The following GALNT10 variants were observed in gnomAD, a reference collection of about 807,000 sequenced individuals.
GALNT10 encodes the protein GalNAc transferase 10.
Under a neutral mutation model 75.0 loss-of-function variants are expected in GALNT10, and 41 were observed. That is an observed-to-expected ratio of 0.55 (90% confidence interval 0.43 to 0.71). The LOEUF (loss-of-function observed/expected upper bound fraction) is 0.71, where lower values mean the gene tolerates loss of function less well. Ranked by LOEUF, GALNT10 falls within the 30% of genes least tolerant of loss-of-function variation. The pLI is 0.00. For missense variants in GALNT10, 727 were observed against 818.5 expected, an observed-to-expected ratio of 0.89 and a Z score of 1.36; for synonymous variants, 302 against 313.0, an observed-to-expected ratio of 0.96 and a Z score of 0.37.
At chr5:154,279,310 T>TG (rs1331978616) in intron 1 of GALNT10, among the ~76,000 whole-genome samples, 2 of 150,126 alleles carry the variant, frequency 1.3e-5, no homozygotes, top group Admixed American at 1.3e-4. Context: ...TTTTGTTTTT[T>TG]TTTTTTTTTT....
At chr5:154,255,699 G>C (rs760930422) in intron 1 of GALNT10, among the ~76,000 whole-genome samples, 13 of 151,912 alleles carry the variant, frequency 8.6e-5, no homozygotes, top group African/African-American at 3.1e-4. Flanking sequence ...ACTTTCCCAC[G>C]CTGGTGGCTG....
intron 1 of GALNT10, among the ~76,000 whole-genome samples, chr5:154,251,224 G>A (rs888235752): frequency 1.3e-5 from 2 of 151,932 alleles, no homozygotes; most frequent in Non-Finnish European, 1.5e-5. Flanking sequence ...CCCCTTAATA[G>A]TAACGTTACT....
intron 4 of GALNT10, among the ~76,000 whole-genome samples, chr5:154,367,169 G>T (rs2113161940): frequency 6.6e-6 from 1 of 152,298 alleles, no homozygotes; most frequent in African/African-American, 2.4e-5. Flanking sequence ...GTATACTTTT[G>T]TATATATTTG....
intron 4 of GALNT10, among the ~76,000 whole-genome samples, chr5:154,371,898 C>A (rs531977479): frequency 6.6e-6 from 1 of 152,092 alleles, no homozygotes; most frequent in East Asian, 1.9e-4. Context: ...CATCCTTCTC[C>A]GTTAATCCCC....
At chr5:154,194,194 T>G (rs532625755) in intron 1 of GALNT10, among the ~76,000 whole-genome samples, 1 of 152,320 alleles carries the variant, frequency 6.6e-6, no homozygotes, top group Non-Finnish European at 1.5e-5. Flanking sequence ...GAATAGAAAT[T>G]GGTGGAATAA....
At chr5:154,269,632 A>G (rs1244055079) in intron 1 of GALNT10, among the ~76,000 whole-genome samples, 1 of 152,216 alleles carries the variant, frequency 6.6e-6, no homozygotes. Context: ...TGGCAGGCCT[A>G]CTGAACTAGG....
chr5:154,285,597 T>G (rs1366196211), intron 1 of GALNT10, among the ~76,000 whole-genome samples: 1 of 152,014 alleles, frequency 6.6e-6, no homozygotes, highest in Non-Finnish European at 1.5e-5. Context: ...GTAACCCTAT[T>G]TTTAAAAAAA....
At chr5:154,265,680 A>G (rs149662384) in intron 1 of GALNT10, among the ~76,000 whole-genome samples, 284 of 152,310 alleles carry the variant, frequency 1.9e-3, no homozygotes, top group African/African-American at 6.5e-3. Context: ...AGACAGTCCC[A>G]TATGTCCTGG....
Position 154,216,517 on chromosome 5 carries a change from A to G in GALNT10, c.159+25492A>G, listed in dbSNP as rs147459230. On this transcript the variant is annotated intron_variant, in intron 1 of 11. Transcript: ENST00000297107. Reference sequence around the variant, plus strand: ...TGTAAGCTGCAAGCTGTTGTCTCCAATTCCTGAGTTCAGATTATTTGTGTT... The same window carrying G: ...TGTAAGCTGCAAGCTGTTGTCTCCAGTTCCTGAGTTCAGATTATTTGTGTT... Among the ~76,000 whole-genome samples the G allele has an allele frequency of 1.1e-4, 16 of 152,356 alleles. 1 individual carries two copies. Among genetic ancestry groups the G allele is most frequent in the South Asian group, 6.2e-4 (3 of 4,830 alleles).
chr5:154,347,625 G>T (rs1755150098), intron 4 of GALNT10, among the ~76,000 whole-genome samples: 1 of 152,014 alleles, frequency 6.6e-6, no homozygotes, highest in African/African-American at 2.4e-5. Context: ...GCCTCCCAAG[G>T]TGCTGGGATT....
At chr5:154,276,822 C>T (rs139205828) in intron 1 of GALNT10, among the ~76,000 whole-genome samples, 214 of 152,110 alleles carry the variant, frequency 1.4e-3, no homozygotes, top group African/African-American at 4.7e-3. Context: ...GTAAGCGGAG[C>T]GGGGATAGAA....
intron 7 of GALNT10, among the ~76,000 whole-genome samples, chr5:154,396,963 C>T (rs1756029485): frequency 6.6e-6 from 1 of 151,820 alleles, no homozygotes; most frequent in Non-Finnish European, 1.5e-5. Flanking sequence ...CCTGTCTCTA[C>T]TAAAAATACA....
At chr5:154,269,777 C>T (rs1753834296) in intron 1 of GALNT10, among the ~76,000 whole-genome samples, 1 of 152,202 alleles carries the variant, frequency 6.6e-6, no homozygotes, top group African/African-American at 2.4e-5. Flanking sequence ...GAGTCTGGGA[C>T]ATCCTTCGGA....
At chr5:154,295,471 G>C (rs1003592410) in intron 2 of GALNT10, among the ~76,000 whole-genome samples, 4 of 152,156 alleles carry the variant, frequency 2.6e-5, no homozygotes, top group African/African-American at 9.7e-5. Flanking sequence ...TTTGAACCCA[G>C]GTCTGGAGGG....
intron 2 of GALNT10, 61 bp downstream of exon 2, chr5:154,294,979 TG>T: frequency 1.0e-5 from 2 of 192,048 alleles, no homozygotes; most frequent in South Asian, 9.9e-5. Flanking sequence ...CATATGCTTG[TG>T]TGTGTGTGTG....
rs537345118 is a variant in GALNT10 at position 154,352,176 on chromosome 5, C to G, written c.568+22438C>G. Among the ~76,000 whole-genome samples the G allele has an allele frequency of 6.3e-4, 96 of 152,324 alleles. No individual in the cohort carries two copies. Among genetic ancestry groups the G allele is most frequent in the Non-Finnish European group, 6.3e-4 (43 of 68,028 alleles). ...ATTGGCCATTCCTGGCCTGACTCTG[C>G]ACCCAGCACCCTGACCTGGGCCTCA... On this transcript the variant is annotated intron_variant, in intron 4 of 11. Transcript: ENST00000297107. This position sits in a 1 kb window ranked among gnomAD's most constrained non-coding sequence, Gnocchi z 4.4.
At chr5:154,363,659 C>A (rs1032352263) in intron 4 of GALNT10, among the ~76,000 whole-genome samples, 2 of 152,170 alleles carry the variant, frequency 1.3e-5, no homozygotes, top group African/African-American at 4.8e-5. Flanking sequence ...TCCACAAACA[C>A]ACTTGCATGT....
chr5:154,200,630 C>T (rs1297294040), intron 1 of GALNT10, among the ~76,000 whole-genome samples: 1 of 152,126 alleles, frequency 6.6e-6, no homozygotes, highest in African/African-American at 2.4e-5. Context: ...TACCTAACTT[C>T]AGTGAAAAGT....
chr5:154,215,395 T>C (rs1339079371), intron 1 of GALNT10, among the ~76,000 whole-genome samples: 1 of 152,026 alleles, frequency 6.6e-6, no homozygotes, highest in African/African-American at 2.4e-5. Flanking sequence ...GGCAGGAGAA[T>C]GGCGTGAACC....
Sources: gnomAD v4.1 joint callset for allele counts (sites outside exome capture counted in the v4.1 genomes callset) on GRCh38, gnomAD v4.1.1 for gene constraint, Gnocchi (gnomAD v3.1) non-coding constraint, MANE v1.5 for transcripts, NCBI Gene and HGNC (gene_info 2026-07-23, HGNC 2026-07-21) for gene names.